The following SSH1 variants were observed in gnomAD, a reference collection of about 807,000 sequenced individuals.
SSH1 encodes protein phosphatase Slingshot homolog 1.
In SSH1, 43 loss-of-function variants were observed where a neutral mutation model predicts 79.7. That is an observed-to-expected ratio of 0.54 (90% CI 0.42 to 0.70). The LOEUF (loss-of-function observed/expected upper bound fraction) is 0.70, where lower values mean the gene tolerates loss of function less well. SSH1 is among the 30% of genes least tolerant of loss of function. SSH1 has a pLI of 0.00. For missense variants in SSH1, 1,206 were observed against 1,358.8 expected (o/e 0.89, Z 1.77); for synonymous variants, 599 against 538.3 (o/e 1.11, Z -1.56).
intron 14 of SSH1, among the ~76,000 whole-genome samples, chr12:108,791,480 G>T (rs1344173760): frequency 6.6e-6 from 1 of 152,138 alleles, no homozygotes; most frequent in Non-Finnish European, 1.5e-5. Context: ...TGAATAAAAT[G>T]ATATATCTGA....
At position 108,789,067 on chromosome 12, in the gene SSH1, C is replaced by A. The variant is rs374196333; in HGVS notation, c.2071G>T (p.Val691Leu). The change falls in exon 15 of 15, where the codon GTG becomes TTG. Residue 691 changes from valine to leucine, a missense_variant. Physicochemically the swap from Val to Leu is conservative, Grantham distance 32. Coordinates refer to ENST00000326495, the MANE Select transcript of SSH1 (RefSeq NM_018984.4). The part of the protein sequence containing the change: ...AFLPHITSSP[V>L]AHLASRSRVP... ...CGGGACCTGCTGGCCAAGTGGGCCA[C>A]AGGGGAGGACGTGATGTGGGGTAGG... 1.2e-6 allele frequency: 2 copies of A among 1,612,084 alleles called. No individual in the cohort carries two copies. The highest frequency in any genetic ancestry group is 1.7e-6 in the Non-Finnish European group (2 of 1,178,540).
At chr12:108,813,018 A>G (rs2037695024) in intron 5 of SSH1, among the ~76,000 whole-genome samples, 1 of 151,988 alleles carries the variant, frequency 6.6e-6, no homozygotes, top group Non-Finnish European at 1.5e-5. Flanking sequence ...ACATGCCACT[A>G]TGCCCAGCTT....
chr12:108,856,188 G>GT (rs1239262233), intron 1 of SSH1, among the ~76,000 whole-genome samples: 3 of 152,224 alleles, frequency 2.0e-5, no homozygotes. Context: ...CTTGTTATAG[G>GT]TAAGAGTTTA....
intron 11 of SSH1, among the ~76,000 whole-genome samples, chr12:108,801,582 G>A (rs766314825): frequency 1.4e-4 from 22 of 152,082 alleles, no homozygotes; most frequent in African/African-American, 2.2e-4. Context: ...ATGGCCTTAC[G>A]TTTTAAGAAT....
intron 11 of SSH1, among the ~76,000 whole-genome samples, chr12:108,802,080 GT>G (rs1408854315): frequency 6.6e-6 from 1 of 152,204 alleles, no homozygotes; most frequent in Non-Finnish European, 1.5e-5. Context: ...GTAATTTTAA[GT>G]TTTCCTCAAT....
Position 108,792,295 on chromosome 12 carries a change from G to A in SSH1, c.1884C>T (p.Asn628=), listed in dbSNP as rs565034599. The A allele has an allele frequency of 4.1e-5, 66 of 1,614,198 alleles. No individual in the cohort carries two copies. The highest frequency in any genetic ancestry group is 3.5e-4 in the African/African-American group (26 of 75,052). ...GCCGGGCTCTGCCTACCTCCATGCC[G>A]TTGGGACAGCTCCTCTTGCTGTTGT... ...LNNNSKRSCP[N]GMEDDAIFGI... Residue 628 remains asparagine (N), a synonymous_variant, in exon 14 of 15, where the codon AAC becomes AAT. Coordinates refer to ENST00000326495, the MANE Select transcript of SSH1 (RefSeq NM_018984.4).
In SSH1 at chr12:108,803,302, T is replaced by C. The variant is rs542506094; in HGVS notation, c.955-934A>G. On this transcript the variant is annotated intron_variant, in intron 10 of 14. Coordinates refer to ENST00000326495, the MANE Select transcript of SSH1 (RefSeq NM_018984.4). ...TGCAACATGTTTTAATTTAGTACTT[T>C]TAAAAAATGGTATCATTGAAAAACC... 2.6e-5 allele frequency among the ~76,000 whole-genome samples: 4 copies of C among 152,124 alleles called. No individual in the cohort carries two copies. The East Asian group carries it at 7.7e-4, about 29-fold the overall frequency.
At chr12:108,843,003 C>A (rs897273045) in intron 2 of SSH1, among the ~76,000 whole-genome samples, 1 of 152,120 alleles carries the variant, frequency 6.6e-6, no homozygotes, top group Non-Finnish European at 1.5e-5. Context: ...ATTTTTTCGC[C>A]TGGGCACTTA....
chr12:108,857,126 GCA>G lies in SSH1; in HGVS notation c.69+300_69+301del, dbSNP rs1256488215. Among the ~76,000 whole-genome samples the G allele has an allele frequency of 1.3e-5, 2 of 152,182 alleles. No homozygotes were observed. The highest frequency in any genetic ancestry group is 4.8e-5 in the African/African-American group (2 of 41,464). ...GTAACCCCCTGATGTGGGTCACAGCGCACACACAGTATCCTGCAGACACTCCC... is the reference window on the plus strand; with the variant it reads ...GTAACCCCCTGATGTGGGTCACAGCGCACACAGTATCCTGCAGACACTCCC... On this transcript the variant is annotated intron_variant, in intron 1 of 14. Coordinates refer to ENST00000326495, the MANE Select transcript of SSH1 (RefSeq NM_018984.4). The surrounding 1 kb of genome is among the most constrained non-coding windows in gnomAD (Gnocchi z 4.7).
chr12:108,833,279 A>C (rs1161957138), intron 2 of SSH1, among the ~76,000 whole-genome samples: 1 of 151,898 alleles, frequency 6.6e-6, no homozygotes, highest in East Asian at 1.9e-4. Context: ...GAGCTAATGC[A>C]TCTTCCTCCA....
At chr12:108,812,254 T>C (rs1173664802) in intron 5 of SSH1, among the ~76,000 whole-genome samples, 3 of 152,328 alleles carry the variant, frequency 2.0e-5, no homozygotes, top group Admixed American at 2.0e-4. Flanking sequence ...GTATTTCTCT[T>C]ATAGCACTGA....
chr12:108,807,654 G>T lies in SSH1; in HGVS notation c.710C>A (p.Ser237Tyr). 6.2e-7 allele frequency: 1 copy of T among 1,613,022 alleles called. No homozygotes were observed. The highest frequency in any genetic ancestry group is 1.1e-5 in the South Asian group (1 of 90,988). The stretch of plus-strand genomic sequence containing the variant: ...TTACTTGTCCACAAATAGCGCGGGG[G>T]AGTCGGGCCGCGTAGACTCCAGGTC... ...MQDLESTRPD[S>Y]PALFVDKPTE... Residue 237 changes from serine to tyrosine, a missense_variant, in exon 8 of 15, where the codon TCC (serine) becomes TAC (tyrosine). Transcript: ENST00000326495. This position sits in a 1 kb window ranked among gnomAD's most constrained non-coding sequence, Gnocchi z 5.2.
chr12:108,841,316 G>A (rs1709903432), intron 2 of SSH1, among the ~76,000 whole-genome samples: 1 of 152,270 alleles, frequency 6.6e-6, no homozygotes, highest in African/African-American at 2.4e-5. Flanking sequence ...AAGTGCACAG[G>A]AAGGAGACCA....
At chr12:108,789,310 G>A in intron 14 of SSH1, 66 bp from the exon 15 acceptor site, 2 of 1,523,546 alleles carry the variant, frequency 1.3e-6, no homozygotes, top group Non-Finnish European at 1.8e-6. Flanking sequence ...AAAAACATGA[G>A]GGTGGGCAGG....
In SSH1 at chr12:108,818,321, A is replaced by T. The variant is rs764064471; in HGVS notation, c.215-8T>A. On this transcript the variant is annotated splice_region_variant and splice_polypyrimidine_tract_variant and intron_variant, in intron 3 of 14. Transcript: ENST00000326495. ...GATGTTGAGGCAGATCACCTGTTGG[A>T]CCAATAAAGAAAGCTTTAAAAGGTC... is the stretch of plus-strand genomic sequence containing the variant. 9 of 1,613,494 alleles carry T rather than the reference A, an allele frequency of 5.6e-6. No homozygotes were observed. Among genetic ancestry groups the T allele is most frequent in the Non-Finnish European group, 5.9e-6 (7 of 1,179,774 alleles).
chr12:108,794,153 T>C (rs1212685084), intron 13 of SSH1, among the ~76,000 whole-genome samples: 3 of 152,232 alleles, frequency 2.0e-5, no homozygotes, highest in Non-Finnish European at 4.4e-5. Flanking sequence ...AAGAGGCTGG[T>C]AGACTTTGCC....
At chr12:108,837,156 C>T (rs754814178) in intron 2 of SSH1, 5 of 328,962 alleles carry the variant, frequency 1.5e-5, no homozygotes, top group African/African-American at 2.1e-5. Flanking sequence ...CGCTTGAACC[C>T]GGGAGGTGGA....
At chr12:108,841,654 G>A (rs764571048) in intron 2 of SSH1, among the ~76,000 whole-genome samples, 5 of 151,480 alleles carry the variant, frequency 3.3e-5, no homozygotes, top group South Asian at 2.1e-4. Flanking sequence ...CTAAAAATAC[G>A]AAAAATTAGC....
Position 108,844,269 on chromosome 12 carries a change from G to GA in SSH1, c.110+8368dup, listed in dbSNP as rs751737297. 7.0e-3 allele frequency among the ~76,000 whole-genome samples: 1,013 copies of GA among 145,278 alleles called. 12 individuals carry two copies. The highest frequency in any genetic ancestry group is 6.5e-3 in the Non-Finnish European group (425 of 65,830). On this transcript the variant is annotated intron_variant, in intron 2 of 14. Transcript: ENST00000326495. ...ATCCCTCCCTAAGTCCAAAATCATA[G>GA]AAAAAAAAAAATAAGAATCAACATG... is the stretch of plus-strand genomic sequence containing the variant.
Sources: allele counts gnomAD v4.1 joint callset (sites outside exome capture counted in the v4.1 genomes callset), GRCh38; gene constraint gnomAD v4.1.1; non-coding constraint Gnocchi (gnomAD v3.1); transcripts MANE v1.5; gene names NCBI Gene and HGNC (gene_info 2026-07-23, HGNC 2026-07-21).